The following AGBL1 variants were observed in gnomAD, a reference collection of about 807,000 sequenced individuals.
The protein encoded by AGBL1 is cytosolic carboxypeptidase 4.
A neutral mutation model predicts 118.9 loss-of-function variants in AGBL1; 130 were observed. The ratio of observed to expected loss-of-function variants is 1.09; its 90% CI spans 0.95 to 1.26. The LOEUF is 1.26. Among genes scored for constraint, AGBL1 ranks in the 50% most tolerant of loss-of-function variants. The pLI, the probability that AGBL1 is intolerant of heterozygous loss-of-function variation, is 0.00. For synonymous variants in AGBL1, 555 were observed against 478.9 expected (o/e 1.16, Z -2.08); for missense variants, 1,584 against 1,298.1 (o/e 1.22, Z -3.38).
chr15:86,811,675 A>T (rs528719593), intron 22 of AGBL1, among the ~76,000 whole-genome samples: 1 of 152,286 alleles, frequency 6.6e-6, no homozygotes, highest in South Asian at 2.1e-4. Context: ...GCTCAGTCCC[A>T]AACAGTTTGG....
intron 1 of AGBL1, among the ~76,000 whole-genome samples, chr15:86,115,782 G>A (rs541118979): frequency 8.2e-4 from 125 of 152,228 alleles, no homozygotes; most frequent in African/African-American, 2.7e-3. Flanking sequence ...TGTATGTTAA[G>A]GGCAATGATG....
intron 17 of AGBL1, among the ~76,000 whole-genome samples, chr15:86,367,963 A>G (rs922217256): frequency 1.3e-5 from 2 of 152,152 alleles, no homozygotes; most frequent in African/African-American, 4.8e-5. Context: ...TAAAACTAAT[A>G]AACATGGGTT....
At chr15:86,111,825 T>C (rs983872642) in intron 1 of AGBL1, among the ~76,000 whole-genome samples, 3 of 152,288 alleles carry the variant, frequency 2.0e-5, no homozygotes, top group Admixed American at 6.5e-5. Flanking sequence ...AGGTGAGCAG[T>C]AGGCAAGTAA....
At chr15:86,787,752 A>G (rs1160196612) in intron 22 of AGBL1, among the ~76,000 whole-genome samples, 5 of 152,200 alleles carry the variant, frequency 3.3e-5, no homozygotes, top group Non-Finnish European at 2.9e-5. Context: ...TATGTCCAGC[A>G]GAGAGATTGC....
intron 22 of AGBL1, among the ~76,000 whole-genome samples, chr15:86,840,323 A>T (rs1391585223): frequency 1.3e-5 from 2 of 152,208 alleles, no homozygotes; most frequent in Non-Finnish European, 2.9e-5. Flanking sequence ...CATTTTAGTA[A>T]GTTGAGAGAT....
chr15:86,544,407 C>A (rs1240376216), intron 19 of AGBL1, among the ~76,000 whole-genome samples: 1 of 152,088 alleles, frequency 6.6e-6, no homozygotes, highest in Non-Finnish European at 1.5e-5. Flanking sequence ...GTCTTATTGA[C>A]CAAAAGATGC....
chr15:86,603,426 C>T (rs372141470), intron 21 of AGBL1, among the ~76,000 whole-genome samples: 29 of 152,190 alleles, frequency 1.9e-4, no homozygotes, highest in African/African-American at 7.0e-4. Flanking sequence ...TTGTTCCCCA[C>T]ACCCCCGCCC....
At chr15:86,153,666 A>G (rs566592954) in intron 3 of AGBL1, among the ~76,000 whole-genome samples, 1 of 152,348 alleles carries the variant, frequency 6.6e-6, no homozygotes, top group Admixed American at 6.5e-5. Flanking sequence ...TTTTTAAAAA[A>G]GAAAGAAACA....
At chr15:86,481,362 A>G (rs1409994899) in intron 18 of AGBL1, among the ~76,000 whole-genome samples, 1 of 152,064 alleles carries the variant, frequency 6.6e-6, no homozygotes, top group African/African-American at 2.4e-5. Flanking sequence ...GGCTGGGAAT[A>G]AAATTTAAAT....
At chr15:87,027,010 T>C (rs564012330) in intron 24 of AGBL1, among the ~76,000 whole-genome samples, 4 of 152,080 alleles carry the variant, frequency 2.6e-5, no homozygotes, top group African/African-American at 9.6e-5. Context: ...GGATGAGAGA[T>C]AAAAGACTAC....
intron 5 of AGBL1, among the ~76,000 whole-genome samples, chr15:86,194,890 A>G (rs565602727): frequency 1.3e-5 from 2 of 152,178 alleles, no homozygotes; most frequent in Non-Finnish European, 2.9e-5. Flanking sequence ...TATTTCTACA[A>G]TTTGTCATTT....
intron 6 of AGBL1, among the ~76,000 whole-genome samples, chr15:86,228,068 T>C (rs1025036740): frequency 5.9e-5 from 9 of 152,200 alleles, no homozygotes. Context: ...ATTGATGGCA[T>C]GAAGGGTCTG....
chr15:86,301,888 T>C (rs974202172), intron 17 of AGBL1, among the ~76,000 whole-genome samples: 2 of 152,148 alleles, frequency 1.3e-5, no homozygotes, highest in Admixed American at 1.3e-4. Flanking sequence ...GAAAGCTCAG[T>C]TGGCAATCCA....
intron 24 of AGBL1, among the ~76,000 whole-genome samples, chr15:86,993,791 C>A (rs1349468270): frequency 6.6e-6 from 1 of 152,178 alleles, no homozygotes; most frequent in African/African-American, 2.4e-5. Context: ...AATGTCAGAT[C>A]CCCTTCTCAG....
At chr15:86,404,952 C>T (rs2081502554) in intron 18 of AGBL1, among the ~76,000 whole-genome samples, 1 of 152,094 alleles carries the variant, frequency 6.6e-6, no homozygotes, top group African/African-American at 2.4e-5. Flanking sequence ...AAAATGGGCC[C>T]TTAAGGGAAA....
At chr15:86,702,016 C>A (rs1254674035) in intron 22 of AGBL1, among the ~76,000 whole-genome samples, 1 of 150,612 alleles carries the variant, frequency 6.6e-6, no homozygotes, top group Non-Finnish European at 1.5e-5. Flanking sequence ...TCTACCCCAA[C>A]CCTTCTCTCC....
chr15:86,543,861 T>A (rs2083539334), intron 19 of AGBL1, among the ~76,000 whole-genome samples: 1 of 152,224 alleles, frequency 6.6e-6, no homozygotes, highest in Non-Finnish European at 1.5e-5. Context: ...GGGGATATTA[T>A]TTCCTCATTC....
intron 17 of AGBL1, among the ~76,000 whole-genome samples, chr15:86,355,975 C>G (rs1433250593): frequency 6.6e-6 from 1 of 152,216 alleles, no homozygotes; most frequent in Non-Finnish European, 1.5e-5. Flanking sequence ...TGCCTGTCTT[C>G]TTTTCAGCAC....
chr15:86,993,077 AAAAGT>A (rs561256535), intron 24 of AGBL1, among the ~76,000 whole-genome samples: 5 of 152,232 alleles, frequency 3.3e-5, no homozygotes, highest in African/African-American at 4.8e-5. Context: ...TCCTAAAATA[AAAAGT>A]AAAGTGATAT....
Sources: gnomAD v4.1 joint callset for allele counts (sites outside exome capture counted in the v4.1 genomes callset) on GRCh38, gnomAD v4.1.1 for gene constraint, MANE v1.5 for transcripts, NCBI Gene and HGNC (gene_info 2026-07-23, HGNC 2026-07-21) for gene names.